The following ZSCAN1 variants were observed in gnomAD, a reference collection of about 807,000 sequenced individuals.
The protein encoded by ZSCAN1 is zinc finger and SCAN domain-containing protein 1.
A neutral mutation model predicts 23.8 loss-of-function variants in ZSCAN1; 23 were observed. The observed-to-expected ratio is 0.97, with a 90% CI of 0.70 to 1.37. The LOEUF is 1.37. Among genes scored for constraint, ZSCAN1 ranks in the 40% most tolerant of loss-of-function variants. The pLI, the probability that ZSCAN1 is intolerant of heterozygous loss-of-function variation, is 0.00. For synonymous variants in ZSCAN1, 236 were observed against 232.3 expected (o/e 1.02, Z -0.15); for missense variants, 575 against 554.0 (o/e 1.04, Z -0.38).
chr19:58,044,503 A>C, intron 4 of ZSCAN1: 76 of 401,586 alleles, frequency 1.9e-4, no homozygotes, highest in Non-Finnish European at 2.0e-4. Flanking sequence ...CTGAGGAGCC[A>C]CCGAGACGGC....
At chr19:58,036,973 G>C (rs902558563) in intron 2 of ZSCAN1, among the ~76,000 whole-genome samples, 3 of 152,052 alleles carry the variant, frequency 2.0e-5, no homozygotes, top group Non-Finnish European at 2.9e-5. Flanking sequence ...TGTGAGCCAC[G>C]GCACCCGGCC....
intron 4 of ZSCAN1, chr19:58,044,724 C>G (rs2073813084): frequency 1.3e-6 from 1 of 747,770 alleles, no homozygotes; most frequent in Non-Finnish European, 2.4e-6. Context: ...GGTTGAGGAG[C>G]TGCCCGAAAG....
At position 58,054,119 on chromosome 19, in the gene ZSCAN1, TG is replaced by T. The variant is rs2073877812; in HGVS notation, c.*73del. On this transcript the variant is annotated 3_prime_UTR_variant, in exon 6 of 6. Transcript: ENST00000282326. The surrounding 1 kb of genome is among the most constrained non-coding windows in gnomAD (Gnocchi z 4.2). ...GGGGGAGCTGATGGGCCCCAGAAGA[TG>T]GGGGACATCCCCCAGCCCCACCAAC... 11 of 1,433,036 alleles carry T rather than the reference TG, an allele frequency of 7.7e-6. No homozygotes were observed. Among genetic ancestry groups the T allele is most frequent in the Non-Finnish European group, 1.0e-5 (11 of 1,096,454 alleles). The allele number at this position is 1,433,036 out of a possible 1,614,324, so 88.8% of individuals were successfully genotyped here.
intron 4 of ZSCAN1, among the ~76,000 whole-genome samples, chr19:58,048,367 G>T (rs921466187): frequency 1.3e-5 from 2 of 152,266 alleles, no homozygotes; most frequent in Admixed American, 1.3e-4. Flanking sequence ...AAATGATGTG[G>T]TTTGAGCCAA....
rs2073781205 is a variant in ZSCAN1 at position 58,040,563 on chromosome 19, G to A, written c.465+19G>A. The A allele has an allele frequency of 1.2e-6, 2 of 1,611,630 alleles. No homozygotes were observed. Among genetic ancestry groups the A allele is most frequent in the Non-Finnish European group, 1.7e-6 (2 of 1,178,722 alleles). On this transcript the variant is annotated intron_variant, in intron 4 of 5. Coordinates refer to ENST00000282326, the MANE Select transcript of ZSCAN1 (RefSeq NM_182572.4). This position sits in a 1 kb window ranked among gnomAD's most constrained non-coding sequence, Gnocchi z 5.8. Reference sequence around the variant, plus strand: ...ATCGCAGGTGAGCCCGGGGCCCCCAGCTCCGTGCTCCTGCACCCCAGGGCA... The same window carrying A: ...ATCGCAGGTGAGCCCGGGGCCCCCAACTCCGTGCTCCTGCACCCCAGGGCA...
At chr19:58,051,400 T>G (rs2073857715) in intron 4 of ZSCAN1, among the ~76,000 whole-genome samples, 1 of 152,134 alleles carries the variant, frequency 6.6e-6, no homozygotes. Flanking sequence ...AAACACACCA[T>G]CCACATACTC....
chr19:58,039,770 C>CAAAAA (rs67254346), intron 3 of ZSCAN1, among the ~76,000 whole-genome samples: 1 of 83,300 alleles, frequency 1.2e-5, no homozygotes, highest in Admixed American at 1.3e-4. Flanking sequence ...GACTCCGTCT[C>CAAAAA]AAAAAAAAAA....
chr19:58,045,139 T>A lies in ZSCAN1; in HGVS notation c.465+4595T>A, dbSNP rs980607998. The stretch of plus-strand genomic sequence containing the variant: ...ATCGCAGCACGCATGCTCTGGCGCA[T>A]CCTCAACTGCCACACCCTGACCCGC... On this transcript the variant is annotated intron_variant, in intron 4 of 5. Coordinates refer to ENST00000282326, the MANE Select transcript of ZSCAN1 (RefSeq NM_182572.4). The surrounding 1 kb of genome is among the most constrained non-coding windows in gnomAD (Gnocchi z 4.3). The A allele has an allele frequency of 4.1e-6, 5 of 1,233,148 alleles. No individual in the cohort carries two copies. Among genetic ancestry groups the A allele is most frequent in the Non-Finnish European group, 6.0e-6 (5 of 836,838 alleles). 76.4% of individuals were successfully genotyped at this position (1,233,148 alleles called of 1,614,324 possible). A position where few individuals can be genotyped will look rare whatever the true frequency, so the allele number is the denominator to read the frequency against.
In ZSCAN1 at chr19:58,045,203, C is replaced by T; in HGVS notation, c.465+4659C>T. The T allele has an allele frequency of 3.4e-6, 3 of 875,174 alleles. No individual in the cohort carries two copies. Among genetic ancestry groups the T allele is most frequent in the Non-Finnish European group, 5.9e-6 (3 of 507,360 alleles). The allele number at this position is 875,174 out of a possible 1,614,324, so 54.2% of individuals were successfully genotyped here. A position where few individuals can be genotyped will look rare whatever the true frequency, so the allele number is the denominator to read the frequency against. On this transcript the variant is annotated intron_variant, in intron 4 of 5. Coordinates refer to ENST00000282326, the MANE Select transcript of ZSCAN1 (RefSeq NM_182572.4). The surrounding 1 kb of genome is among the most constrained non-coding windows in gnomAD (Gnocchi z 4.3). Reference sequence around the variant, plus strand: ...AGTTGCTCCGGTTCTGTGCCGACCTCTTCCGCCTGGTGCCGTTCCTCCTGT... The same window carrying T: ...AGTTGCTCCGGTTCTGTGCCGACCTTTTCCGCCTGGTGCCGTTCCTCCTGT...
At chr19:58,051,267 C>T (rs545053228) in intron 4 of ZSCAN1, among the ~76,000 whole-genome samples, 1 of 149,974 alleles carries the variant, frequency 6.7e-6, no homozygotes, top group African/African-American at 2.4e-5. Context: ...CAGGAAGAGG[C>T]GTAAAAGGGA....
At chr19:58,052,906 C>A (rs556891989) in intron 5 of ZSCAN1, among the ~76,000 whole-genome samples, 1 of 151,776 alleles carries the variant, frequency 6.6e-6, no homozygotes, top group Admixed American at 6.6e-5. Flanking sequence ...ACCCAGAGGG[C>A]CAGCCAGGTA....
In ZSCAN1 at chr19:58,045,605, A is replaced by T; in HGVS notation, c.465+5061A>T. 1 of 1,010,504 alleles carries T rather than the reference A, an allele frequency of 9.9e-7. No homozygotes were observed. The highest frequency in any genetic ancestry group is 1.6e-6 in the Non-Finnish European group (1 of 629,170). 62.6% of individuals were successfully genotyped at this position (1,010,504 alleles called of 1,614,324 possible). On this transcript the variant is annotated intron_variant, in intron 4 of 5. Transcript: ENST00000282326. The surrounding 1 kb of genome is among the most constrained non-coding windows in gnomAD (Gnocchi z 4.3). Reference sequence around the variant, plus strand: ...TGGAGCTACAGCTTCCTGCGCTTCCAGCTCACGATGCGGCTGCGCTCCATA... The same window carrying T: ...TGGAGCTACAGCTTCCTGCGCTTCCTGCTCACGATGCGGCTGCGCTCCATA...
In ZSCAN1 at chr19:58,040,585, G is replaced by A; in HGVS notation, c.465+41G>A. ...CCAGCTCCGTGCTCCTGCACCCCAG[G>A]GCATGCGTGCCGCTTCTGGGACGGC... On this transcript the variant is annotated intron_variant, in intron 4 of 5. Transcript: ENST00000282326. This position sits in a 1 kb window ranked among gnomAD's most constrained non-coding sequence, Gnocchi z 5.8. The A allele has an allele frequency of 1.3e-6, 2 of 1,594,722 alleles. No individual in the cohort carries two copies. The highest frequency in any genetic ancestry group is 1.7e-6 in the Non-Finnish European group (2 of 1,163,874).
Position 58,040,316 on chromosome 19 carries a change from C to A in ZSCAN1, c.371-134C>A. 1.1e-6 allele frequency: 1 copy of A among 888,972 alleles called. No homozygotes were observed. The highest frequency in any genetic ancestry group is 1.8e-6 in the Non-Finnish European group (1 of 561,356). The allele number at this position is 888,972 out of a possible 1,614,324, so 55.1% of individuals were successfully genotyped here. ...CACATGGAGGGACAGAATGACAGCC[C>A]TGCAGCCACTCTTGCCTGCGCCTCA... On this transcript the variant is annotated intron_variant, in intron 3 of 5. Transcript: ENST00000282326. The surrounding 1 kb of genome is among the most constrained non-coding windows in gnomAD (Gnocchi z 5.8).
In ZSCAN1 at chr19:58,053,331, G is replaced by C; in HGVS notation, c.605-98G>C. 1 of 1,471,500 alleles carries C rather than the reference G, an allele frequency of 6.8e-7. No homozygotes were observed. Among genetic ancestry groups the C allele is most frequent in the South Asian group, 1.3e-5 (1 of 75,956 alleles). The allele number at this position is 1,471,500 out of a possible 1,614,324, so 91.2% of individuals were successfully genotyped here. A position where few individuals can be genotyped will look rare whatever the true frequency, so the allele number is the denominator to read the frequency against. ...TTGAGCAGAGGAAGGGCCTGGACTT[G>C]GCTCAGTCACTGGGGTCCTCCGTGC... On this transcript the variant is annotated intron_variant, in intron 5 of 5. Coordinates refer to ENST00000282326, the MANE Select transcript of ZSCAN1 (RefSeq NM_182572.4). The surrounding 1 kb of genome is among the most constrained non-coding windows in gnomAD (Gnocchi z 5.8).
At chr19:58,055,199 C>A (rs2073883593), downstream of ZSCAN1, among the ~76,000 whole-genome samples, 1 of 152,248 alleles carries the variant, frequency 6.6e-6, no homozygotes, top group African/African-American at 2.4e-5. Flanking sequence ...AAATCAAAAG[C>A]CTTTGGACTT....
chr19:58,046,208 G>A, intron 4 of ZSCAN1: 1 of 766,160 alleles, frequency 1.3e-6, no homozygotes. Context: ...AGCATCCTCA[G>A]CAATGCCTGC....
At chr19:58,042,320 C>T (rs189205455) in intron 4 of ZSCAN1, among the ~76,000 whole-genome samples, 167 of 151,272 alleles carry the variant, frequency 1.1e-3, no homozygotes, top group African/African-American at 3.7e-3. Flanking sequence ...TGCAGTGGCG[C>T]GATCTCGGCT....
chr19:58,043,805 G>A (rs1209221056), intron 4 of ZSCAN1, among the ~76,000 whole-genome samples: 6 of 151,880 alleles, frequency 4.0e-5, no homozygotes, highest in Non-Finnish European at 8.8e-5. Context: ...ACACATTACC[G>A]CACCGGCTAA....
Sources: allele counts gnomAD v4.1 joint callset (sites outside exome capture counted in the v4.1 genomes callset), GRCh38; gene constraint gnomAD v4.1.1; non-coding constraint Gnocchi (gnomAD v3.1); transcripts MANE v1.5; gene names NCBI Gene and HGNC (gene_info 2026-07-23, HGNC 2026-07-21).